Variants in DAPK1 observed in about 807,000 individuals in gnomAD.
DAPK1 encodes death-associated protein kinase 1.
A neutral mutation model predicts 144.9 loss-of-function variants in DAPK1; 56 were observed. The ratio of observed to expected loss-of-function variants is 0.39; its 90% confidence interval spans 0.31 to 0.48. The LOEUF (loss-of-function observed/expected upper bound fraction) is 0.48, where lower values mean the gene tolerates loss of function less well. Ranked by LOEUF, DAPK1 falls within the 20% of genes least tolerant of loss-of-function variation. The pLI is 0.95. For missense variants in DAPK1, 1,454 were observed against 1,875.4 expected (o/e 0.78, Z 4.15); for synonymous variants, 690 against 749.0 (o/e 0.92, Z 1.29).
intron 17 of DAPK1, among the ~76,000 whole-genome samples, chr9:87,655,512 C>T (rs1478304135): frequency 6.6e-6 from 1 of 152,194 alleles, no homozygotes; most frequent in Non-Finnish European, 1.5e-5. Flanking sequence ...CATCCACATT[C>T]TACAAGGAGG....
intron 2 of DAPK1, among the ~76,000 whole-genome samples, chr9:87,528,238 A>C (rs7038008): frequency 6.9e-6 from 1 of 145,326 alleles, no homozygotes; most frequent in Non-Finnish European, 1.5e-5. Flanking sequence ...TTTTTTTGAG[A>C]CAAAATTTCT....
chr9:87,662,559 A>ATTTTTTTTTTTTTTTTTTTTTTT (rs1830886898), intron 18 of DAPK1, among the ~76,000 whole-genome samples: 1 of 25,560 alleles, frequency 3.9e-5, no homozygotes, highest in African/African-American at 9.5e-5. Flanking sequence ...ATATATTCCT[A>ATTTTTTTTTTTTTTTTTTTTTTT]GTTTTTTTTT....
chr9:87,511,034 G>A lies in DAPK1; in HGVS notation c.62+11895G>A, dbSNP rs76658059. 5.8e-3 allele frequency among the ~76,000 whole-genome samples: 890 copies of A among 152,282 alleles called. 6 individuals are homozygous for A. The highest frequency in any genetic ancestry group is 8.6e-3 in the Non-Finnish European group (588 of 68,026). ...AACATGCTTCTGAATCTGTGTTCCCGGGTCCTACCTCTTCATTCATTCCTG... is the reference window on the plus strand; with the variant it reads ...AACATGCTTCTGAATCTGTGTTCCCAGGTCCTACCTCTTCATTCATTCCTG... On this transcript the variant is annotated intron_variant, in intron 2 of 25. Coordinates refer to ENST00000408954, the MANE Select transcript of DAPK1 (RefSeq NM_004938.4).
chr9:87,541,784 ATAT>A (rs1316390243), intron 2 of DAPK1, among the ~76,000 whole-genome samples: 2 of 152,160 alleles, frequency 1.3e-5, no homozygotes, highest in Non-Finnish European at 2.9e-5. Flanking sequence ...ATAGCAACAG[ATAT>A]TATGGTGACT....
In DAPK1 at chr9:87,686,716, A is replaced by G. The variant is rs1199429464; in HGVS notation, c.2390A>G (p.Asp797Gly). 3 of 1,613,000 alleles carry G rather than the reference A, an allele frequency of 1.9e-6. No individual in the cohort carries two copies. Among genetic ancestry groups the G allele is most frequent in the Non-Finnish European group, 2.5e-6 (3 of 1,179,120 alleles). The change falls in exon 21 of 26, where the codon GAC becomes GGC. Residue 797 changes from aspartate (D) to glycine (G), a missense_variant. Asp to Gly is a moderately conservative substitution (Grantham distance 94). Around this residue, in one of 2 missense-constraint regions of DAPK1, gnomAD observed 1,025 missense variants for 1,237.9 expected, o/e 0.83. Transcript: ENST00000408954. This position sits in a 1 kb window ranked among gnomAD's most constrained non-coding sequence, Gnocchi z 4.2. ...SADDQSTKAI[D>G]IQNAYLNGVG... ...GATGACCAGTCCACCAAGGCCATCGACATCCAGAACGCTTATTTGAATGGT... is the reference window on the plus strand; with the variant it reads ...GATGACCAGTCCACCAAGGCCATCGGCATCCAGAACGCTTATTTGAATGGT...
At chr9:87,591,378 T>C (rs1205248576) in intron 2 of DAPK1, among the ~76,000 whole-genome samples, 2 of 152,240 alleles carry the variant, frequency 1.3e-5, no homozygotes, top group Non-Finnish European at 2.9e-5. Flanking sequence ...AAGCAAATGA[T>C]GGACATCTTG....
chr9:87,562,859 T>G (rs7851361), intron 2 of DAPK1, among the ~76,000 whole-genome samples: 102,924 of 152,158 alleles, frequency 0.68, 36,469 homozygotes, highest in African/African-American at 0.89. Context: ...ACAATTTGCT[T>G]TATATTAAAC....
intron 2 of DAPK1, among the ~76,000 whole-genome samples, chr9:87,534,661 T>TTTTTTTTC (rs1825804248): frequency 6.6e-6 from 1 of 151,814 alleles, no homozygotes. Flanking sequence ...TTTTTTTTTT[T>TTTTTTTTC]TGATACGGAG....
At position 87,671,600 on chromosome 9, in the gene DAPK1, C is replaced by T. The variant is rs36216781; in HGVS notation, c.2001+2926C>T. Among the ~76,000 whole-genome samples, 219 of 151,858 alleles carry T rather than the reference C, an allele frequency of 1.4e-3. 1 individual carries two copies. The highest frequency in any genetic ancestry group is 4.7e-3 in the African/African-American group (196 of 41,448). ...ACTGCAGCGTCAAACTCCTGGGCTC[C>T]GGTGATCCTCTTGCCTCAGCCTCCC... On this transcript the variant is annotated intron_variant, in intron 19 of 25. Coordinates refer to ENST00000408954, the MANE Select transcript of DAPK1 (RefSeq NM_004938.4).
intron 2 of DAPK1, among the ~76,000 whole-genome samples, chr9:87,500,233 C>T (rs1824341142): frequency 6.6e-6 from 1 of 152,078 alleles, no homozygotes; most frequent in Non-Finnish European, 1.5e-5. Context: ...GTTACTGTAA[C>T]AGAGTATTTC....
intron 3 of DAPK1, among the ~76,000 whole-genome samples, chr9:87,628,347 A>G (rs36209741): frequency 0.037 from 5,646 of 152,314 alleles, 364 homozygotes; most frequent in African/African-American, 0.13. Flanking sequence ...CTTCGTTGAT[A>G]TGATTCATTT....
intron 16 of DAPK1, chr9:87,650,351 C>T: frequency 2.0e-6 from 1 of 501,388 alleles, no homozygotes; most frequent in South Asian, 2.3e-5. Flanking sequence ...TGACTTTGGT[C>T]TCTAAATAAT....
At chr9:87,523,094 G>C (rs1825361794) in intron 2 of DAPK1, among the ~76,000 whole-genome samples, 1 of 151,982 alleles carries the variant, frequency 6.6e-6, no homozygotes, top group Non-Finnish European at 1.5e-5. Context: ...GTGATAAAAT[G>C]TGAAACTTGT....
At chr9:87,696,426 C>T (rs1295922811) in intron 21 of DAPK1, among the ~76,000 whole-genome samples, 1 of 152,116 alleles carries the variant, frequency 6.6e-6, no homozygotes, top group East Asian at 1.9e-4. Context: ...TGTGTGTCTT[C>T]GTTCATTTTG....
chr9:87,663,770 C>T (rs1024244306), intron 18 of DAPK1, among the ~76,000 whole-genome samples: 2 of 152,122 alleles, frequency 1.3e-5, no homozygotes, highest in African/African-American at 4.8e-5. Flanking sequence ...CCTCGGCCCC[C>T]CCACACCAGG....
chr9:87,509,585 C>T (rs1222113770), intron 2 of DAPK1, among the ~76,000 whole-genome samples: 1 of 152,158 alleles, frequency 6.6e-6, no homozygotes, highest in Non-Finnish European at 1.5e-5. Flanking sequence ...GTCTTGAACT[C>T]CTGACCTTAG....
In DAPK1 at chr9:87,651,611, G is replaced by C; in HGVS notation, c.1711G>C (p.Asp571His). Reference protein sequence around the residue: ...KTLLSQGCFVDYQDRHGNTPL... With the variant: ...KTLLSQGCFVHYQDRHGNTPL... ...TCTCCTCAGCCAAGGGTGTTTCGTC[G>C]ATTATCAAGACAGGCACGGCAATAC... The change falls in exon 17 of 26, where the codon GAT becomes CAT. Residue 571 changes from aspartate (D) to histidine (H), a missense_variant. Physicochemically the swap from Asp to His is moderately conservative, Grantham distance 81 (BLOSUM62 -1). Around this residue, in one of 2 missense-constraint regions of DAPK1, gnomAD observed 1,025 missense variants for 1,237.9 expected, o/e 0.83. Transcript: ENST00000408954. The C allele has an allele frequency of 6.2e-7, 1 of 1,614,126 alleles. No individual in the cohort carries two copies. The highest frequency in any genetic ancestry group is 1.1e-5 in the South Asian group (1 of 91,084).
chr9:87,609,358 G>A (rs1361123400), intron 3 of DAPK1, among the ~76,000 whole-genome samples: 3 of 152,162 alleles, frequency 2.0e-5, no homozygotes, highest in African/African-American at 7.2e-5. Context: ...GGTATGATGC[G>A]TGTTTCTCTG....
At chr9:87,600,000 G>A (rs1170849953) in intron 2 of DAPK1, among the ~76,000 whole-genome samples, 1 of 152,162 alleles carries the variant, frequency 6.6e-6, no homozygotes, top group African/African-American at 2.4e-5. Flanking sequence ...GTCTCTCCCT[G>A]AGTCATATCA....
Sources: allele counts gnomAD v4.1 joint callset (sites outside exome capture counted in the v4.1 genomes callset), GRCh38; gene constraint gnomAD v4.1.1; regional missense constraint gnomAD v4.1.1; non-coding constraint Gnocchi (gnomAD v3.1); transcripts MANE v1.5; gene names NCBI Gene and HGNC (gene_info 2026-07-23, HGNC 2026-07-21).